The following SLC25A21 variants were observed in gnomAD, a reference collection of about 807,000 sequenced individuals.
SLC25A21 encodes the protein solute carrier family 25 member 21.
A neutral mutation model predicts 43.8 loss-of-function variants in SLC25A21; 47 were observed. The observed-to-expected ratio is 1.07, with a 90% CI of 0.85 to 1.37. The LOEUF (loss-of-function observed/expected upper bound fraction) is 1.37. SLC25A21 is among the 40% of genes most tolerant of loss of function. The pLI is 0.00. For synonymous variants in SLC25A21, 131 were observed against 121.3 expected, an observed-to-expected ratio of 1.08 and a Z score of -0.52; for missense variants, 352 against 350.2, an observed-to-expected ratio of 1.00 and a Z score of -0.04.
At chr14:36,765,590 T>C (rs1566590152) in intron 3 of SLC25A21, among the ~76,000 whole-genome samples, 1 of 152,180 alleles carries the variant, frequency 6.6e-6, no homozygotes, top group Non-Finnish European at 1.5e-5. Context: ...CAGTATGCTG[T>C]GGCCTGGGAA....
intron 1 of SLC25A21, among the ~76,000 whole-genome samples, chr14:36,876,946 C>T (rs1203213403): frequency 8.0e-6 from 1 of 125,148 alleles, no homozygotes. Flanking sequence ...GATACACACA[C>T]ACACATACAT....
At chr14:37,155,842 G>C in intron 1 of SLC25A21, among the ~76,000 whole-genome samples, 1 of 152,076 alleles carries the variant, frequency 6.6e-6, no homozygotes, top group Non-Finnish European at 1.5e-5. Context: ...GAATTGAAAA[G>C]ATTAGATTTA....
intron 1 of SLC25A21, among the ~76,000 whole-genome samples, chr14:37,065,500 G>A (rs1962041055): frequency 6.6e-6 from 1 of 152,158 alleles, no homozygotes; most frequent in South Asian, 2.1e-4. Flanking sequence ...TGCAGGTGAG[G>A]AGACAAATTG....
chr14:37,137,572 C>T lies in SLC25A21; in HGVS notation c.70+34709G>A, dbSNP rs780844459. 4.6e-4 allele frequency among the ~76,000 whole-genome samples: 70 copies of T among 152,108 alleles called. 1 individual carries two copies. Among genetic ancestry groups the T allele is most frequent in the Non-Finnish European group, 7.8e-4 (53 of 67,996 alleles). On this transcript the variant is annotated intron_variant, in intron 1 of 9. Transcript: ENST00000331299. Reference sequence around the variant, plus strand: ...ATAAAATATAAAGTAAATAAGAAAACCTCCGTTAGTAGCTGTCAAATGCAT... The same window carrying T: ...ATAAAATATAAAGTAAATAAGAAAATCTCCGTTAGTAGCTGTCAAATGCAT...
chr14:36,829,724 T>C (rs1310596649), intron 2 of SLC25A21, among the ~76,000 whole-genome samples: 2 of 151,680 alleles, frequency 1.3e-5, no homozygotes, highest in African/African-American at 4.8e-5. Context: ...CCTTAACCCA[T>C]GTCCAGGAGA....
intron 1 of SLC25A21, among the ~76,000 whole-genome samples, chr14:37,027,253 C>T (rs1346813464): frequency 8.9e-6 from 1 of 111,990 alleles, no homozygotes; most frequent in Non-Finnish European, 1.7e-5. Flanking sequence ...GCTAATACAT[C>T]TATTATCTAG....
At chr14:37,128,366 T>C (rs961701653) in intron 1 of SLC25A21, among the ~76,000 whole-genome samples, 1 of 152,146 alleles carries the variant, frequency 6.6e-6, no homozygotes, top group South Asian at 2.1e-4. Context: ...CAGAAAGATA[T>C]CATGTTATTT....
intron 1 of SLC25A21, among the ~76,000 whole-genome samples, chr14:37,068,529 A>C (rs532822404): frequency 6.6e-6 from 1 of 152,340 alleles, no homozygotes; most frequent in South Asian, 2.1e-4. Context: ...CACATTTTGT[A>C]TAATTGCATC....
At chr14:36,726,250 G>A (rs1020189033) in intron 5 of SLC25A21, among the ~76,000 whole-genome samples, 3 of 151,918 alleles carry the variant, frequency 2.0e-5, no homozygotes, top group African/African-American at 4.8e-5. Context: ...AAAAAACACC[G>A]GCAATTGACG....
At chr14:36,988,383 A>T (rs1037513877) in intron 1 of SLC25A21, among the ~76,000 whole-genome samples, 1 of 152,122 alleles carries the variant, frequency 6.6e-6, no homozygotes, top group Non-Finnish European at 1.5e-5. Context: ...CTCTCCCATC[A>T]TTTATCTGAC....
chr14:36,885,173 C>A (rs1890878348), intron 1 of SLC25A21, among the ~76,000 whole-genome samples: 1 of 152,166 alleles, frequency 6.6e-6, no homozygotes, highest in South Asian at 2.1e-4. Flanking sequence ...TTTCACTGTT[C>A]TGCACGTGGA....
At chr14:36,742,984 T>C (rs577535015) in intron 3 of SLC25A21, among the ~76,000 whole-genome samples, 1 of 152,312 alleles carries the variant, frequency 6.6e-6, no homozygotes, top group Admixed American at 6.5e-5. Flanking sequence ...TGGGTGCAAC[T>C]GAAATAAACT....
chr14:37,027,628 G>A (rs1961121568), intron 1 of SLC25A21, among the ~76,000 whole-genome samples: 1 of 152,130 alleles, frequency 6.6e-6, no homozygotes, highest in Non-Finnish European at 1.5e-5. Flanking sequence ...TTTATAGCAG[G>A]CAGCAAACAA....
At chr14:37,004,920 G>A (rs1960565298) in intron 1 of SLC25A21, among the ~76,000 whole-genome samples, 1 of 136,040 alleles carries the variant, frequency 7.4e-6, no homozygotes, top group Non-Finnish European at 1.5e-5. Context: ...GAATGGCAGG[G>A]AAGGAATTTT....
At chr14:36,770,506 C>T (rs1886580859) in intron 3 of SLC25A21, among the ~76,000 whole-genome samples, 4 of 152,112 alleles carry the variant, frequency 2.6e-5, no homozygotes, top group Admixed American at 1.3e-4. Context: ...GTACATGTAC[C>T]TCCTGAATCT....
intron 7 of SLC25A21, among the ~76,000 whole-genome samples, chr14:36,702,908 C>A (rs889078540): frequency 6.6e-6 from 1 of 152,160 alleles, no homozygotes; most frequent in Admixed American, 6.5e-5. Flanking sequence ...GCTCTCTGCC[C>A]TCTCCCATAC....
chr14:36,935,757 C>G (rs1049670148), intron 1 of SLC25A21, among the ~76,000 whole-genome samples: 3 of 152,126 alleles, frequency 2.0e-5, no homozygotes, highest in African/African-American at 7.2e-5. Context: ...TTGTTTATAT[C>G]TAATTCTGAG....
intron 1 of SLC25A21, among the ~76,000 whole-genome samples, chr14:36,998,499 GCTGGT>G (rs1960420199): frequency 6.6e-6 from 1 of 152,074 alleles, no homozygotes; most frequent in Non-Finnish European, 1.5e-5. Context: ...GCAGAAAGGG[GCTGGT>G]GCCACTAAAC....
At chr14:37,058,427 T>A (rs1961876546) in intron 1 of SLC25A21, among the ~76,000 whole-genome samples, 1 of 152,178 alleles carries the variant, frequency 6.6e-6, no homozygotes, top group Admixed American at 6.5e-5. Context: ...TCCAACAATA[T>A]AAAATAATGA....
Sources: allele counts gnomAD v4.1 joint callset (sites outside exome capture counted in the v4.1 genomes callset), GRCh38; gene constraint gnomAD v4.1.1; transcripts MANE v1.5; gene names NCBI Gene and HGNC (gene_info 2026-07-23, HGNC 2026-07-21).